Variants in MYH11 observed in about 807,000 individuals in gnomAD.
MYH11 encodes myosin heavy chain 11.
Under a neutral mutation model 246.6 loss-of-function variants are expected in MYH11, and 80 were observed. The observed-to-expected ratio is 0.32, with a 90% CI of 0.27 to 0.39. The LOEUF (loss-of-function observed/expected upper bound fraction) is 0.39, where lower values mean the gene tolerates loss of function less well. Among genes scored for constraint, MYH11 ranks in the 10% least tolerant of loss-of-function variants. MYH11 has a pLI of 1.00. For missense variants in MYH11, 2,158 were observed against 2,546.8 expected (o/e 0.85, Z 3.29); for synonymous variants, 1,071 against 1,015.5 (o/e 1.05, Z -1.04).
chr16:15,798,608 T>TAAAAAAAAA lies in MYH11; in HGVS notation c.530+43_530+51dup, dbSNP rs374559754. The TAAAAAAAAA allele has an allele frequency of 5.1e-4, 530 of 1,036,028 alleles. 5 individuals carry two copies. Among genetic ancestry groups the TAAAAAAAAA allele is most frequent in the African/African-American group, 2.0e-3 (56 of 28,572 alleles). 64.2% of individuals were successfully genotyped at this position (1,036,028 alleles called of 1,614,324 possible). A position where few individuals can be genotyped will look rare whatever the true frequency, so the allele number is the denominator to read the frequency against. On this transcript the variant is annotated intron_variant, in intron 4 of 40. Transcript: ENST00000300036. The stretch of plus-strand genomic sequence containing the variant: ...CATAGGTTGGATCTCGACTACAGAT[T>TAAAAAAAAA]AAAAAAAAAAAAAAACAAAAAAAAA...
rs191761280 is a variant in MYH11, at chr16:15,829,994, G to A, written c.346-6583C>T. ...TACTAAAAATACAAAAATTAGCAAG[G>A]TGTGGTGGCGCGTGCCTGTAATCCC... is the stretch of plus-strand genomic sequence containing the variant. On this transcript the variant is annotated intron_variant, in intron 2 of 40. Coordinates refer to ENST00000300036, the MANE Select transcript of MYH11 (RefSeq NM_002474.3). Among the ~76,000 whole-genome samples, 40 of 152,280 alleles carry A rather than the reference G, an allele frequency of 2.6e-4. No homozygotes were observed. In the East Asian group the frequency reaches 7.1e-3, roughly 27 times the overall value.
chr16:15,753,311 G>A, intron 15 of MYH11, 83 bp downstream of exon 15: 1 of 1,235,924 alleles, frequency 8.1e-7, no homozygotes, highest in Non-Finnish European at 1.2e-6. Flanking sequence ...TCCCCTCCTG[G>A]GGCAGGTGTG....
rs369950711 is a variant in MYH11, at chr16:15,715,029, G to A, written c.5666C>T (p.Ala1889Val). The change falls in exon 40 of 41, where the codon GCA becomes GTA. Residue 1889 changes from alanine to valine, a missense_variant. Ala to Val is a moderately conservative substitution (Grantham distance 64, BLOSUM62 0). Coordinates refer to ENST00000300036, the MANE Select transcript of MYH11 (RefSeq NM_002474.3). ...GTTGATGCGCTGGGACTCCTCCTCT[G>A]CCTCCTCCAGCTGCCTCTTGAGCTG... is the stretch of plus-strand genomic sequence containing the variant. ...VKQLKRQLEE[A>V]EEESQRINAN... 95 of 1,613,648 alleles carry A rather than the reference G, an allele frequency of 5.9e-5. No homozygotes were observed. The highest frequency in any genetic ancestry group is 8.0e-5 in the Non-Finnish European group (94 of 1,180,022).
chr16:15,737,853 C>T lies in MYH11; in HGVS notation c.3122-233G>A, dbSNP rs763902205. Among the ~76,000 whole-genome samples, 7 of 152,202 alleles carry T rather than the reference C, an allele frequency of 4.6e-5. 1 individual carries two copies. Among genetic ancestry groups the T allele is most frequent in the East Asian group, 1.9e-4 (1 of 5,146 alleles). ...TGTTGCCCAGGCTGGAGTGCAGTGGCGCAATCTCAGCTCACTGCAACCTCC... is the reference window on the plus strand; with the variant it reads ...TGTTGCCCAGGCTGGAGTGCAGTGGTGCAATCTCAGCTCACTGCAACCTCC... On this transcript the variant is annotated intron_variant, in intron 24 of 40. Coordinates refer to ENST00000300036, the MANE Select transcript of MYH11 (RefSeq NM_002474.3).
At position 15,719,710 on chromosome 16, in the gene MYH11, G is replaced by C. The variant is rs1192375006; in HGVS notation, c.4957C>G (p.Gln1653Glu). The part of the protein sequence containing the change: ...AIKQLRKLQA[Q>E]MKDFQRELED... ...AGCTCTCTTTGAAAGTCCTTCATCT[G>C]AGCCTGCATGAGTCAACAGGGAGGA... The change falls in exon 35 of 41, where the codon CAG becomes GAG. Residue 1653 changes from glutamine (Q) to glutamate (E), a missense_variant. Transcript: ENST00000300036. 1 of 1,614,118 alleles carries C rather than the reference G, an allele frequency of 6.2e-7. No individual in the cohort carries two copies. Among genetic ancestry groups the C allele is most frequent in the Non-Finnish European group, 8.5e-7 (1 of 1,180,034 alleles).
chr16:15,786,862 G>C, intron 4 of MYH11, 130 bp from the exon 5 acceptor site: 2 of 896,012 alleles, frequency 2.2e-6, no homozygotes, highest in Non-Finnish European at 3.6e-6. Context: ...TCCCAGAGGG[G>C]AAGTAACTTG....
At chr16:15,741,974 C>G (rs1294311549) in intron 20 of MYH11, 83 bp from the exon 21 acceptor site, 1 of 1,572,750 alleles carries the variant, frequency 6.4e-7, no homozygotes, top group Non-Finnish European at 8.6e-7. Flanking sequence ...TGGTTCCGAG[C>G]CAGGGACAAT....
chr16:15,738,684 C>A lies in MYH11; in HGVS notation c.3002G>T (p.Arg1001Leu). The change falls in exon 24 of 41, where the codon CGA (arginine) becomes CTA (leucine). Residue 1001 changes from arginine to leucine, a missense_variant. By Grantham distance (102) the Arg-to-Leu change is moderately radical. Coordinates refer to ENST00000300036, the MANE Select transcript of MYH11 (RefSeq NM_002474.3). ...DDQNNKLSKE[R>L]KLLEERISDL... is the part of the protein sequence containing the mutation. ...ACTAATCCTCTCCTCAAGGAGTTTT[C>A]GTTCCTTTTTGGGGAAAGAGAAAGA... The A allele has an allele frequency of 6.2e-7, 1 of 1,613,724 alleles. No homozygotes were observed. Among genetic ancestry groups the A allele is most frequent in the Non-Finnish European group, 8.5e-7 (1 of 1,179,808 alleles).
intron 5 of MYH11, chr16:15,785,732 C>T (rs992368274): frequency 2.0e-5 from 3 of 152,476 alleles, no homozygotes; most frequent in African/African-American, 7.2e-5. Context: ...GTGCCCCCTC[C>T]TGTGGGATAG....
chr16:15,790,747 TA>T (rs929067530), intron 4 of MYH11, among the ~76,000 whole-genome samples: 5 of 152,136 alleles, frequency 3.3e-5, no homozygotes, highest in African/African-American at 1.2e-4. Flanking sequence ...CCTGGCCTTG[TA>T]ACTACCCCAG....
At chr16:15,741,725 C>G in intron 21 of MYH11, 35 bp downstream of exon 21, 3 of 1,614,104 alleles carry the variant, frequency 1.9e-6, no homozygotes, top group Non-Finnish European at 2.5e-6. Context: ...AAGTCCTGTT[C>G]CCCAGCAACC....
intron 26 of MYH11, among the ~76,000 whole-genome samples, chr16:15,734,599 G>A (rs1027523268): frequency 6.6e-6 from 1 of 152,112 alleles, no homozygotes; most frequent in Non-Finnish European, 1.5e-5. Context: ...GACCCTAAAG[G>A]TGATTTTTTT....
intron 26 of MYH11, among the ~76,000 whole-genome samples, chr16:15,733,604 A>G (rs779056178): frequency 6.7e-6 from 1 of 149,558 alleles, no homozygotes; most frequent in Admixed American, 6.7e-5. Context: ...GTACAGTGGA[A>G]TGATGTCAGC....
chr16:15,727,693 G>T (rs1596740302), intron 27 of MYH11, among the ~76,000 whole-genome samples: 2 of 152,278 alleles, frequency 1.3e-5, no homozygotes, highest in South Asian at 4.1e-4. Flanking sequence ...ATGTTTGAAG[G>T]CATGCCATGG....
intron 1 of MYH11, among the ~76,000 whole-genome samples, chr16:15,846,806 T>C (rs569096085): frequency 1.3e-5 from 2 of 151,982 alleles, no homozygotes; most frequent in African/African-American, 4.8e-5. Context: ...ATACAAAAAT[T>C]AACCGGTTGT....
At position 15,747,708 on chromosome 16, in the gene MYH11, G is replaced by A; in HGVS notation, c.2273C>T (p.Pro758Leu). 1 of 1,614,050 alleles carries A rather than the reference G, an allele frequency of 6.2e-7. No homozygotes were observed. Residue 758 changes from proline to leucine, a missense_variant, in exon 19 of 41, where the codon CCC (proline) becomes CTC (leucine). Physicochemically the swap from Pro to Leu is moderately conservative, Grantham distance 98. This residue lies in a region of MYH11 where 56 missense variants were observed against 47.2 expected (regional missense o/e 1.19). Coordinates refer to ENST00000300036, the MANE Select transcript of MYH11 (RefSeq NM_002474.3). ...GCTCTGCCCTATCCTGTATAAGTTGGGGTCAAGTTCCAGGGCTTTGATCTG... is the reference window on the plus strand; with the variant it reads ...GCTCTGCCCTATCCTGTATAAGTTGAGGTCAAGTTCCAGGGCTTTGATCTG... ...ILMIKALELD[P>L]NLYRIGQSKI... is the part of the protein sequence containing the mutation.
At chr16:15,774,136 C>T (rs1189296402) in intron 8 of MYH11, among the ~76,000 whole-genome samples, 2 of 152,232 alleles carry the variant, frequency 1.3e-5, no homozygotes, top group Admixed American at 6.5e-5. Context: ...TGACTGAAGG[C>T]ACCAGTTAAC....
In MYH11 at chr16:15,721,458, T is replaced by C. The variant is rs749606846; in HGVS notation, c.4542A>G (p.Glu1514=). 6.2e-7 allele frequency: 1 copy of C among 1,614,212 alleles called. No individual in the cohort carries two copies. Among genetic ancestry groups the C allele is most frequent in the Non-Finnish European group, 8.5e-7 (1 of 1,180,046 alleles). The change falls in exon 32 of 41, where the codon GAA becomes GAG. Residue 1514 remains glutamate, a synonymous_variant. Coordinates refer to ENST00000300036, the MANE Select transcript of MYH11 (RefSeq NM_002474.3). The part of the protein sequence containing the change: ...RTNKMLKAEM[E]DLVSSKDDVG... The stretch of plus-strand genomic sequence containing the variant: ...CGTCATCCTTGGAGCTGACCAGGTC[T>C]TCCATTTCGGCTTTGAGCATTTTGT...
intron 4 of MYH11, chr16:15,792,286 G>A (rs2042628786): frequency 6.6e-6 from 1 of 152,116 alleles, no homozygotes; most frequent in Admixed American, 6.6e-5. Context: ...CCAGGCCTCA[G>A]GCAATCCTCC....
Sources: gnomAD v4.1 joint callset for allele counts (sites outside exome capture counted in the v4.1 genomes callset) on GRCh38, gnomAD v4.1.1 for gene constraint, gnomAD v4.1.1 regional missense constraint, MANE v1.5 for transcripts, NCBI Gene and HGNC (gene_info 2026-07-23, HGNC 2026-07-21) for gene names.